The following CSMD1 variants were observed in gnomAD, a reference collection of about 807,000 sequenced individuals.
The protein encoded by CSMD1 is CUB and Sushi multiple domains 1.
A neutral mutation model predicts 417.5 loss-of-function variants in CSMD1; 213 were observed. The ratio of observed to expected loss-of-function variants is 0.51; its 90% CI spans 0.46 to 0.57. CSMD1 has a LOEUF of 0.57. Among genes scored for constraint, CSMD1 ranks in the 20% least tolerant of loss-of-function variants. The pLI, the probability that CSMD1 is intolerant of heterozygous loss-of-function variation, is 0.00. For missense variants in CSMD1, 6,923 were observed against 4,529.7 expected (o/e 1.53, Z -15.17); for synonymous variants, 2,862 against 1,736.8 (o/e 1.65, Z -16.11).
At position 4,649,567 on chromosome 8, in the gene CSMD1, T is replaced by C. The variant is rs181825219; in HGVS notation, c.86-12009A>G. Among the ~76,000 whole-genome samples the C allele has an allele frequency of 3.1e-3, 478 of 152,326 alleles. 2 individuals are homozygous for C. The highest frequency in any genetic ancestry group is 4.8e-3 in the Non-Finnish European group (328 of 68,032). Reference sequence around the variant, plus strand: ...ACAATTTAGAAATGATATAGTATTTTTTCTGTCATTTTCTGAAAAGAATGT... The same window carrying C: ...ACAATTTAGAAATGATATAGTATTTCTTCTGTCATTTTCTGAAAAGAATGT... On this transcript the variant is annotated intron_variant, in intron 1 of 69. Transcript: ENST00000635120.
chr8:3,766,428 AC>A (rs1798270916), intron 5 of CSMD1, among the ~76,000 whole-genome samples: 1 of 152,184 alleles, frequency 6.6e-6, no homozygotes, highest in Non-Finnish European at 1.5e-5. Flanking sequence ...ATGTCCTGGT[AC>A]CTGGGTTACT....
intron 2 of CSMD1, among the ~76,000 whole-genome samples, chr8:4,598,149 AAAGTC>A (rs1189360561): frequency 1.3e-5 from 2 of 152,162 alleles, no homozygotes; most frequent in Non-Finnish European, 2.9e-5. Context: ...ACTCCAATAA[AAAGTC>A]AAGTTAGATA....
intron 40 of CSMD1, among the ~76,000 whole-genome samples, chr8:3,147,656 G>T (rs56386222): frequency 6.6e-6 from 1 of 152,268 alleles, no homozygotes; most frequent in Non-Finnish European, 1.5e-5. Flanking sequence ...TTGTTACTTA[G>T]TGTTGCAAGT....
intron 11 of CSMD1, among the ~76,000 whole-genome samples, chr8:3,479,872 C>T (rs533434302): frequency 2.6e-5 from 4 of 151,106 alleles, no homozygotes; most frequent in East Asian, 1.9e-4. Flanking sequence ...TGAAAAAAAA[C>T]GATAAATCTA....
rs1227192400 is a variant in CSMD1, at chr8:3,219,379, G to A, written c.4548C>T (p.Pro1516=). 1 of 1,567,602 alleles carries A rather than the reference G, an allele frequency of 6.4e-7. No homozygotes were observed. Among genetic ancestry groups the A allele is most frequent in the South Asian group, 1.2e-5 (1 of 85,056 alleles). Residue 1516 remains proline (P), a synonymous_variant, in exon 29 of 70, where the codon CCC becomes CCT. Transcript: ENST00000635120. ...HIYEGEDSNS[P]LIGSYQGSQA... ...GAGAGCCCTGGTAACTCCCAATGAG[G>A]GGGCTGTTGGAATCTTCCCCTTCAT...
intron 51 of CSMD1, among the ~76,000 whole-genome samples, chr8:3,023,412 A>G (rs892370056): frequency 6.6e-6 from 1 of 152,226 alleles, no homozygotes; most frequent in Non-Finnish European, 1.5e-5. Context: ...CAATAAATAA[A>G]TGTAATAAGA....
chr8:4,772,307 C>T (rs995733073), intron 1 of CSMD1, among the ~76,000 whole-genome samples: 1 of 152,196 alleles, frequency 6.6e-6, no homozygotes, highest in African/African-American at 2.4e-5. Context: ...CTCTCCTTCA[C>T]GTCATCTTTA....
chr8:4,670,383 C>T (rs952099340), intron 1 of CSMD1, among the ~76,000 whole-genome samples: 1 of 152,006 alleles, frequency 6.6e-6, no homozygotes, highest in Admixed American at 6.6e-5. Context: ...TACATGTTCT[C>T]CTAATAAGTG....
At chr8:4,723,486 G>A (rs1809199367) in intron 1 of CSMD1, among the ~76,000 whole-genome samples, 2 of 152,108 alleles carry the variant, frequency 1.3e-5, no homozygotes, top group Non-Finnish European at 2.9e-5. Flanking sequence ...TGTGTTACCT[G>A]ACAACACGTC....
chr8:4,351,405 G>C (rs532576602), intron 3 of CSMD1, among the ~76,000 whole-genome samples: 1 of 152,170 alleles, frequency 6.6e-6, no homozygotes, highest in African/African-American at 2.4e-5. Flanking sequence ...GCCCATGCTG[G>C]CTGTTATACC....
At chr8:3,919,986 T>C (rs1809114838) in intron 5 of CSMD1, among the ~76,000 whole-genome samples, 3 of 150,918 alleles carry the variant, frequency 2.0e-5, no homozygotes, top group Admixed American at 6.6e-5. Context: ...TCTGTGAATA[T>C]ACCAAATTTT....
intron 3 of CSMD1, among the ~76,000 whole-genome samples, chr8:4,051,793 A>G (rs1350434560): frequency 1.3e-5 from 2 of 152,176 alleles, no homozygotes; most frequent in Non-Finnish European, 2.9e-5. Context: ...GGTGTGATGG[A>G]CACCATACAA....
At chr8:4,394,396 C>T (rs750308699) in intron 3 of CSMD1, among the ~76,000 whole-genome samples, 1 of 152,164 alleles carries the variant, frequency 6.6e-6, no homozygotes, top group African/African-American at 2.4e-5. Context: ...AAATGGTTTT[C>T]TTAGAACACA....
At chr8:3,587,407 G>A (rs970824720) in intron 8 of CSMD1, among the ~76,000 whole-genome samples, 1 of 152,200 alleles carries the variant, frequency 6.6e-6, no homozygotes, top group Non-Finnish European at 1.5e-5. Context: ...ACCACGGGTT[G>A]ATGTTGAGGA....
chr8:3,541,416 T>TACAC (rs780591691), intron 10 of CSMD1, among the ~76,000 whole-genome samples: 2 of 152,076 alleles, frequency 1.3e-5, no homozygotes, highest in Non-Finnish European at 2.9e-5. Context: ...GAATAGCTAA[T>TACAC]ACGTGTGGGG....
At chr8:3,114,325 G>T (rs1317045508) in intron 42 of CSMD1, among the ~76,000 whole-genome samples, 1 of 151,550 alleles carries the variant, frequency 6.6e-6, no homozygotes, top group East Asian at 1.9e-4. Flanking sequence ...ATTTATAGAT[G>T]GTTTTCTCTA....
intron 2 of CSMD1, among the ~76,000 whole-genome samples, chr8:4,629,701 T>C (rs1278094784): frequency 1.3e-5 from 2 of 152,172 alleles, no homozygotes; most frequent in African/African-American, 2.4e-5. Flanking sequence ...AATATTTACA[T>C]TGGTGATCTA....
chr8:3,646,084 T>C (rs1195088098), intron 7 of CSMD1, among the ~76,000 whole-genome samples: 1 of 149,358 alleles, frequency 6.7e-6, no homozygotes, highest in Admixed American at 6.7e-5. Flanking sequence ...TGTGGCAGAG[T>C]TACAAAATAG....
intron 3 of CSMD1, among the ~76,000 whole-genome samples, chr8:4,344,720 T>C (rs986509148): frequency 2.6e-5 from 4 of 152,112 alleles, no homozygotes; most frequent in African/African-American, 4.8e-5. Flanking sequence ...ATATCCATCA[T>C]TGAGCAAAAG....
Sources: allele counts gnomAD v4.1 joint callset (sites outside exome capture counted in the v4.1 genomes callset), GRCh38; gene constraint gnomAD v4.1.1; transcripts MANE v1.5; gene names NCBI Gene and HGNC (gene_info 2026-07-23, HGNC 2026-07-21).